NMNAT3: variants seen among roughly 807,000 people sequenced by gnomAD.
NMNAT3 encodes nicotinamide/nicotinic acid mononucleotide adenylyltransferase 3.
In NMNAT3, 21 loss-of-function variants were observed where a neutral mutation model predicts 24.8. The observed-to-expected ratio is 0.85, with a 90% CI of 0.60 to 1.22. The LOEUF (loss-of-function observed/expected upper bound fraction) is 1.22, where lower values mean the gene tolerates loss of function less well. NMNAT3 is among the 50% of genes most tolerant of loss of function. NMNAT3 has a pLI of 0.00. For missense variants in NMNAT3, 387 were observed against 436.6 expected (o/e 0.89, Z 1.01); for synonymous variants, 136 against 155.2 (o/e 0.88, Z 0.92).
intron 1 of NMNAT3, among the ~76,000 whole-genome samples, chr3:139,673,316 C>T (rs1373433820): frequency 6.6e-6 from 1 of 152,160 alleles, no homozygotes; most frequent in Admixed American, 6.5e-5. Flanking sequence ...AGGAGGAGCT[C>T]TGGAAACTAT....
At chr3:139,597,469 T>A (rs2054534351) in intron 3 of NMNAT3, among the ~76,000 whole-genome samples, 1 of 152,310 alleles carries the variant, frequency 6.6e-6, no homozygotes, top group East Asian at 1.9e-4. Flanking sequence ...TGCTACCTGG[T>A]CTTGTTGAAT....
At chr3:139,616,164 C>CACCAACAAAGCCATTCTCCT (rs1559913855) in intron 3 of NMNAT3, among the ~76,000 whole-genome samples, 2 of 151,818 alleles carry the variant, frequency 1.3e-5, no homozygotes, top group Non-Finnish European at 2.9e-5. Flanking sequence ...GCCATTCTCC[C>CACCAACAAAGCCATTCTCCT]AGATATCACC....
intron 6 of NMNAT3, chr3:139,566,979 T>G (rs1937332381): frequency 6.6e-6 from 1 of 152,140 alleles, no homozygotes; most frequent in South Asian, 2.1e-4. Context: ...ATGATATTGA[T>G]TCTTCCTACC....
chr3:139,578,487 A>G (rs1308962610), intron 5 of NMNAT3, among the ~76,000 whole-genome samples: 4 of 152,220 alleles, frequency 2.6e-5, no homozygotes, highest in South Asian at 2.1e-4. Context: ...AGTTATTTAC[A>G]TATAAAAAAT....
At chr3:139,649,323 A>AAACAAACG (rs1381210000) in intron 1 of NMNAT3, among the ~76,000 whole-genome samples, 1 of 41,962 alleles carries the variant, frequency 2.4e-5, no homozygotes, top group Non-Finnish European at 4.9e-5. Flanking sequence ...CAAGCAAAGA[A>AAACAAACG]AACAAACAAA....
intron 6 of NMNAT3, 133 bp downstream of exon 6, chr3:139,573,464 AG>A: frequency 2.3e-6 from 1 of 436,578 alleles, no homozygotes; most frequent in Non-Finnish European, 4.1e-6. Context: ...CCAACCAGGC[AG>A]GCCTTAAATT....
chr3:139,643,192 T>C (rs2056764123), intron 1 of NMNAT3, among the ~76,000 whole-genome samples: 1 of 152,170 alleles, frequency 6.6e-6, no homozygotes, highest in Non-Finnish European at 1.5e-5. Flanking sequence ...AGAATGACTG[T>C]TAACTGAAAA....
chr3:139,609,310 A>G (rs918088576), intron 3 of NMNAT3, among the ~76,000 whole-genome samples: 3 of 152,226 alleles, frequency 2.0e-5, no homozygotes, highest in Non-Finnish European at 4.4e-5. Flanking sequence ...AGAAACTGCC[A>G]AACTGCTTTC....
At position 139,561,048 on chromosome 3, in the gene NMNAT3, C is replaced by T; in HGVS notation, c.1003G>A (p.Gly335Ser). 1 of 1,613,798 alleles carries T rather than the reference C, an allele frequency of 6.2e-7. No homozygotes were observed. Among genetic ancestry groups the T allele is most frequent in the Non-Finnish European group, 8.5e-7 (1 of 1,179,966 alleles). ...CCCTCAGTGCTCTGGGTGCTTTTGC[C>T]TTTCCAGGTACTGCCCTTGGTGTAG... Residue 335 changes from glycine (G) to serine (S), a missense_variant, in exon 7 of 7, where the codon GGC (glycine) becomes AGC (serine). Physicochemically the swap from Gly to Ser is moderately conservative, Grantham distance 56. Around this residue, in one of 3 missense-constraint regions of NMNAT3, gnomAD observed 323 missense variants for 345.2 expected, o/e 0.94. Coordinates refer to ENST00000643695, the MANE Select transcript of NMNAT3 (RefSeq NM_001320510.2).
intron 1 of NMNAT3, among the ~76,000 whole-genome samples, chr3:139,663,994 G>C (rs2057500355): frequency 6.6e-6 from 1 of 152,204 alleles, no homozygotes; most frequent in African/African-American, 2.4e-5. Flanking sequence ...CCAGCTTAGA[G>C]GGAAGTAAGG....
intron 1 of NMNAT3, among the ~76,000 whole-genome samples, chr3:139,675,556 C>T (rs1006844118): frequency 7.2e-5 from 11 of 152,144 alleles, no homozygotes; most frequent in African/African-American, 2.7e-4. Flanking sequence ...CTTTATCATG[C>T]AGAACACCCC....
chr3:139,566,750 G>A (rs1289297645), intron 6 of NMNAT3: 1 of 152,184 alleles, frequency 6.6e-6, no homozygotes, highest in Non-Finnish European at 1.5e-5. Flanking sequence ...GTACCATGCT[G>A]TTTTGGTTAC....
At chr3:139,588,109 C>T (rs1050873828) in intron 3 of NMNAT3, among the ~76,000 whole-genome samples, 1 of 152,142 alleles carries the variant, frequency 6.6e-6, no homozygotes, top group African/African-American at 2.4e-5. Context: ...CAAGCCTTTT[C>T]CCTTCCCCAC....
chr3:139,599,139 C>T, intron 3 of NMNAT3: 1 of 560,422 alleles, frequency 1.8e-6, no homozygotes, highest in Non-Finnish European at 3.1e-6. Flanking sequence ...TCATTATTTC[C>T]ACAGAGAATG....
In NMNAT3 at chr3:139,583,501, A is replaced by C. The variant is rs2053765421; in HGVS notation, c.110-293T>G. ...ATAAGTTTTGAAGGGGATCTTCTGA[A>C]GCTATGGAAGTAGTTTGTGACTGTT... On this transcript the variant is annotated intron_variant, in intron 3 of 6. Coordinates refer to ENST00000643695, the MANE Select transcript of NMNAT3 (RefSeq NM_001320510.2). The C allele has an allele frequency of 1.9e-6, 3 of 1,574,622 alleles. No individual in the cohort carries two copies. The South Asian group carries it at 3.3e-5, about 18-fold the overall frequency.
chr3:139,574,195 T>G (rs1938924454), intron 5 of NMNAT3, among the ~76,000 whole-genome samples: 1 of 152,230 alleles, frequency 6.6e-6, no homozygotes, highest in Non-Finnish European at 1.5e-5. Context: ...AAACTAGTAC[T>G]TTAGAAGGCA....
Position 139,561,261 on chromosome 3 carries a change from G to A in NMNAT3, c.790C>T (p.His264Tyr). 5.6e-6 allele frequency: 9 copies of A among 1,614,002 alleles called. No homozygotes were observed. The highest frequency in any genetic ancestry group is 7.6e-6 in the Non-Finnish European group (9 of 1,179,976). ...TCTGCGATGTAACCTTTTGGGTCGT[G>A]ACCTACTCGGCCCACGCACACCAAG... is the stretch of plus-strand genomic sequence containing the variant. The change falls in exon 7 of 7, where the codon CAC (histidine) becomes TAC (tyrosine). Residue 264 changes from histidine to tyrosine, a missense_variant. By Grantham distance (83) the His-to-Tyr change is moderately conservative. Coordinates refer to ENST00000643695, the MANE Select transcript of NMNAT3 (RefSeq NM_001320510.2).
rs1433556680 is a variant in NMNAT3 at position 139,627,612 on chromosome 3, T to C, written c.109+4A>G. 2.6e-6 allele frequency: 4 copies of C among 1,565,372 alleles called. No individual in the cohort carries two copies. The East Asian group carries it at 6.8e-5, about 27-fold the overall frequency. Reference sequence around the variant, plus strand: ...TCTGTTGGACTCAGGGCCCCCTGACTGACCTGTTTGGTGTAGGTGATCTCT... The same window carrying C: ...TCTGTTGGACTCAGGGCCCCCTGACCGACCTGTTTGGTGTAGGTGATCTCT... On this transcript the variant is annotated splice_donor_region_variant and intron_variant, in intron 3 of 6. Transcript: ENST00000643695.
intron 1 of NMNAT3, among the ~76,000 whole-genome samples, chr3:139,656,479 A>G (rs2057247642): frequency 6.6e-6 from 1 of 152,162 alleles, no homozygotes; most frequent in Non-Finnish European, 1.5e-5. Context: ...CACGGAACTC[A>G]TTTTAACGGG....
Sources: allele counts gnomAD v4.1 joint callset (sites outside exome capture counted in the v4.1 genomes callset), GRCh38; gene constraint gnomAD v4.1.1; regional missense constraint gnomAD v4.1.1; transcripts MANE v1.5; gene names NCBI Gene and HGNC (gene_info 2026-07-23, HGNC 2026-07-21).